The following ACMSD variants were observed in gnomAD, a reference collection of about 807,000 sequenced individuals.
ACMSD encodes the protein 2-amino-3-carboxymuconate-6-semialdehyde decarboxylase.
A neutral mutation model predicts 45.9 loss-of-function variants in ACMSD; 37 were observed. That is an observed-to-expected ratio of 0.81 (90% CI 0.62 to 1.06). ACMSD has a LOEUF of 1.06. Ranked by LOEUF, ACMSD falls within the 50% of genes least tolerant of loss-of-function variation. The pLI is 0.00. For synonymous variants in ACMSD, 138 were observed against 148.8 expected, an observed-to-expected ratio of 0.93 and a Z score of 0.53; for missense variants, 434 against 420.9, an observed-to-expected ratio of 1.03 and a Z score of -0.27.
chr2:134,858,109 A>T (rs1218831380), intron 2 of ACMSD, among the ~76,000 whole-genome samples: 4 of 152,156 alleles, frequency 2.6e-5, no homozygotes, highest in Admixed American at 2.6e-4. Flanking sequence ...CATTCAAAAT[A>T]GCCAAGATAT....
chr2:134,875,355 T>C (rs1460337191), intron 8 of ACMSD, among the ~76,000 whole-genome samples: 2 of 152,188 alleles, frequency 1.3e-5, no homozygotes, highest in African/African-American at 4.8e-5. Flanking sequence ...TATTTGATTG[T>C]TTATGTATAA....
At chr2:134,855,829 A>G (rs144029238) in intron 2 of ACMSD, among the ~76,000 whole-genome samples, 26 of 152,330 alleles carry the variant, frequency 1.7e-4, no homozygotes, top group African/African-American at 6.0e-4. Flanking sequence ...GATGGAGTAG[A>G]AGGATGTCTT....
In ACMSD at chr2:134,840,263, G is replaced by A. The variant is rs893753293; in HGVS notation, c.57+1524G>A. 2.8e-5 allele frequency among the ~76,000 whole-genome samples: 4 copies of A among 144,298 alleles called. No homozygotes were observed. In the South Asian group the frequency reaches 6.9e-4, roughly 25 times the overall value. 94.7% of individuals were successfully genotyped at this position (144,298 alleles called of 152,430 possible). ...AAGAATATCCACATGAAATGCTTTG[G>A]AAACCACCACGGTGGTCTCTAGAGG... On this transcript the variant is annotated intron_variant, in intron 1 of 9. Coordinates refer to ENST00000356140, the MANE Select transcript of ACMSD (RefSeq NM_138326.3).
chr2:134,851,530 C>T (rs144790402), intron 2 of ACMSD, among the ~76,000 whole-genome samples: 1 of 152,132 alleles, frequency 6.6e-6, no homozygotes, highest in African/African-American at 2.4e-5. Context: ...TGCACCTCCG[C>T]CTACTGGGTT....
At chr2:134,865,248 C>G (rs1688043640) in intron 5 of ACMSD, among the ~76,000 whole-genome samples, 1 of 152,212 alleles carries the variant, frequency 6.6e-6, no homozygotes. Flanking sequence ...CTCCCTGAAG[C>G]TTACTGGCTG....
At chr2:134,885,340 T>TTTATATATAATATATATTTACATATATA (rs1553515611) in intron 8 of ACMSD, among the ~76,000 whole-genome samples, 59 of 105,436 alleles carry the variant, frequency 5.6e-4, no homozygotes, top group African/African-American at 2.3e-3. Context: ...TAAATATATA[T>TTTATATATAATATATATTTACATATATA]TTATATATAA....
chr2:134,853,165 T>TC (rs1687426378), intron 2 of ACMSD, among the ~76,000 whole-genome samples: 2 of 78,084 alleles, frequency 2.6e-5, no homozygotes, highest in African/African-American at 1.2e-4. Context: ...TCCATCTCAA[T>TC]CTAAAAAAAA....
chr2:134,873,470 A>G, intron 8 of ACMSD: 1 of 152,242 alleles, frequency 6.6e-6, no homozygotes, highest in East Asian at 1.9e-4. Flanking sequence ...TTCCCAAGGG[A>G]AAAATCTTTG....
At chr2:134,848,207 CTT>C (rs2104822222) in intron 2 of ACMSD, among the ~76,000 whole-genome samples, 1 of 152,322 alleles carries the variant, frequency 6.6e-6, no homozygotes, top group East Asian at 1.9e-4. Context: ...GGTTCCAAGT[CTT>C]TGCTATTGTG....
At chr2:134,895,365 AT>A in intron 8 of ACMSD, among the ~76,000 whole-genome samples, 1 of 80,016 alleles carries the variant, frequency 1.2e-5, no homozygotes, top group Non-Finnish European at 2.5e-5. Context: ...TATAATATAT[AT>A]ATATGTTACA....
chr2:134,846,857 A>G (rs1341910201), intron 2 of ACMSD, among the ~76,000 whole-genome samples: 1 of 152,226 alleles, frequency 6.6e-6, no homozygotes, highest in East Asian at 1.9e-4. Context: ...AACATGATCA[A>G]TTCAGAGAAT....
At chr2:134,873,520 T>C (rs1384168289) in intron 8 of ACMSD, 1 of 152,206 alleles carries the variant, frequency 6.6e-6, no homozygotes, top group Non-Finnish European at 1.5e-5. Flanking sequence ...ATTTGCAATA[T>C]GGTACTTGAG....
intron 8 of ACMSD, among the ~76,000 whole-genome samples, chr2:134,874,581 T>C (rs886597326): frequency 6.6e-6 from 1 of 152,194 alleles, no homozygotes; most frequent in Non-Finnish European, 1.5e-5. Context: ...TGATGAATTA[T>C]TTGATCTGTC....
At chr2:134,846,994 G>A (rs1197693065) in intron 2 of ACMSD, among the ~76,000 whole-genome samples, 2 of 152,134 alleles carry the variant, frequency 1.3e-5, no homozygotes, top group Non-Finnish European at 2.9e-5. Context: ...GCCACCAAGT[G>A]GTAAAGAGTT....
chr2:134,864,590 G>C (rs924123880), intron 5 of ACMSD, among the ~76,000 whole-genome samples: 1 of 150,740 alleles, frequency 6.6e-6, no homozygotes, highest in Non-Finnish European at 1.5e-5. Flanking sequence ...ATATGGCTAT[G>C]CTTTGATTTA....
At position 134,850,086 on chromosome 2, in the gene ACMSD, G is replaced by A. The variant is rs530219618; in HGVS notation, c.102+4809G>A. Among the ~76,000 whole-genome samples the A allele has an allele frequency of 2.7e-4, 32 of 119,974 alleles. No individual in the cohort carries two copies. The Admixed American group carries it at 2.7e-3, about 10-fold the overall frequency. The allele number at this position is 119,974 out of a possible 152,430, so 78.7% of individuals were successfully genotyped here. A position where few individuals can be genotyped will look rare whatever the true frequency, so the allele number is the denominator to read the frequency against. On this transcript the variant is annotated intron_variant, in intron 2 of 9. Coordinates refer to ENST00000356140, the MANE Select transcript of ACMSD (RefSeq NM_138326.3). ...GTTATCAACTGTATTTGTATCCCCC[G>A]CCCCCCAAATTCATATGTCGAAGTA...
At chr2:134,855,849 G>A (rs947364761) in intron 2 of ACMSD, among the ~76,000 whole-genome samples, 1 of 152,226 alleles carries the variant, frequency 6.6e-6, no homozygotes, top group Admixed American at 6.5e-5. Flanking sequence ...TGTCTATGGA[G>A]TAGAAGGATG....
At chr2:134,855,179 G>A (rs565938226) in intron 2 of ACMSD, among the ~76,000 whole-genome samples, 136 of 152,258 alleles carry the variant, frequency 8.9e-4, no homozygotes, top group African/African-American at 3.2e-3. Flanking sequence ...ATTAGTGTAA[G>A]AAGAAAAGAA....
chr2:134,888,511 G>C lies in ACMSD; in HGVS notation c.850-9830G>C, dbSNP rs186475601. Among the ~76,000 whole-genome samples, 166 of 152,166 alleles carry C rather than the reference G, an allele frequency of 1.1e-3. 1 individual carries two copies. Among genetic ancestry groups the C allele is most frequent in the African/African-American group, 4.0e-3 (165 of 41,510 alleles). ...ATACATATCCACACACAAAAATACA[G>C]CTTGTATAAAAAAGTTCTTGGCAGC... On this transcript the variant is annotated intron_variant, in intron 8 of 9. Transcript: ENST00000356140.
Sources: allele counts gnomAD v4.1 joint callset (sites outside exome capture counted in the v4.1 genomes callset), GRCh38; gene constraint gnomAD v4.1.1; transcripts MANE v1.5; gene names NCBI Gene and HGNC (gene_info 2026-07-23, HGNC 2026-07-21).